The following CCR7 variants were observed in gnomAD, a reference collection of about 807,000 sequenced individuals.
CCR7 encodes C-C chemokine receptor type 7.
CCR7 carries 11 observed loss-of-function variants against 26.0 expected under a neutral mutation model. That is an observed-to-expected ratio of 0.42 (90% CI 0.27 to 0.70). The LOEUF (loss-of-function observed/expected upper bound fraction) is 0.70, where lower values mean the gene tolerates loss of function less well. CCR7 is among the 30% of genes least tolerant of loss of function. CCR7 has a pLI of 0.23. For synonymous variants in CCR7, 189 were observed against 202.1 expected, an observed-to-expected ratio of 0.94 and a Z score of 0.55; for missense variants, 360 against 504.0, an observed-to-expected ratio of 0.71 and a Z score of 2.74.
intron 1 of CCR7, among the ~76,000 whole-genome samples, chr17:40,562,807 G>T (rs1432300685): frequency 6.6e-6 from 1 of 152,052 alleles, no homozygotes; most frequent in Non-Finnish European, 1.5e-5. Flanking sequence ...CACGGCTGCA[G>T]CCTTAGTCCC....
At position 40,554,557 on chromosome 17, in the gene CCR7, A is replaced by T; in HGVS notation, c.*185T>A. ...CTTATCAGCCCTGTCTTTTTTTGGCATTGGTTGAGGTAGCTGGGATTGGGG... is the reference window on the plus strand; with the variant it reads ...CTTATCAGCCCTGTCTTTTTTTGGCTTTGGTTGAGGTAGCTGGGATTGGGG... On this transcript the variant is annotated 3_prime_UTR_variant, in exon 3 of 3. Coordinates refer to ENST00000246657, the MANE Select transcript of CCR7 (RefSeq NM_001838.4). The T allele has an allele frequency of 1.6e-6, 1 of 630,778 alleles. No individual in the cohort carries two copies. Among genetic ancestry groups the T allele is most frequent in the Non-Finnish European group, 2.8e-6 (1 of 355,462 alleles). 39.1% of individuals were successfully genotyped at this position (630,778 alleles called of 1,614,324 possible). A position where few individuals can be genotyped will look rare whatever the true frequency, so the allele number is the denominator to read the frequency against.
At chr17:40,558,969 T>A in intron 1 of CCR7, 27 bp from the exon 2 acceptor site, 1 of 1,593,982 alleles carries the variant, frequency 6.3e-7, no homozygotes, top group Non-Finnish European at 8.6e-7. Flanking sequence ...GAGAAAGTTA[T>A]TGCTTGGCAG....
rs1313242139 is a variant in CCR7, at chr17:40,555,698, G to A, written c.181C>T (p.Leu61Phe). ...CAAATGATGGAGTACATGATAGGGA[G>A]GAACCAGGCTTTAAAGTTCCGCACG... Reference protein sequence around the residue: ...KDVRNFKAWFLPIMYSIICFV... With the variant: ...KDVRNFKAWFFPIMYSIICFV... Residue 61 changes from leucine (L) to phenylalanine (F), a missense_variant, in exon 3 of 3, where the codon CTC becomes TTC. Leu to Phe is a conservative substitution (Grantham distance 22). Transcript: ENST00000246657. The surrounding 1 kb of genome is among the most constrained non-coding windows in gnomAD (Gnocchi z 5.6). The A allele has an allele frequency of 6.2e-7, 1 of 1,614,024 alleles. No individual in the cohort carries two copies. The highest frequency in any genetic ancestry group is 8.5e-7 in the Non-Finnish European group (1 of 1,180,038).
chr17:40,555,107 G>A lies in CCR7; in HGVS notation c.772C>T (p.Arg258Cys), dbSNP rs1405128587. ...RTLLQARNFERNKAIKVIIAV... is the reference protein window; with the variant it reads ...RTLLQARNFECNKAIKVIIAV... ...ATGATCACCTTGATGGCCTTGTTGC[G>A]CTCAAAGTTGCGTGCCTGGAGCAGG... Residue 258 changes from arginine to cysteine, a missense_variant, in exon 3 of 3, where the codon CGC (arginine) becomes TGC (cysteine). By Grantham distance (180) the Arg-to-Cys change is radical. Coordinates refer to ENST00000246657, the MANE Select transcript of CCR7 (RefSeq NM_001838.4). This position sits in a 1 kb window ranked among gnomAD's most constrained non-coding sequence, Gnocchi z 5.6. 2 of 1,614,196 alleles carry A rather than the reference G, an allele frequency of 1.2e-6. No homozygotes were observed. The highest frequency in any genetic ancestry group is 1.7e-6 in the Non-Finnish European group (2 of 1,180,032).
chr17:40,558,957 G>C lies in CCR7; in HGVS notation c.11-15C>G, dbSNP rs1449843246. On this transcript the variant is annotated splice_polypyrimidine_tract_variant and intron_variant, in intron 1 of 2. Transcript: ENST00000246657. ...CATTGGTTTCCCTGTAGGAGACAAG[G>C]CGAGAAAGTTATTGCTTGGCAGGGA... 6.2e-7 allele frequency: 1 copy of C among 1,603,068 alleles called. No homozygotes were observed. The highest frequency in any genetic ancestry group is 8.5e-7 in the Non-Finnish European group (1 of 1,175,248).
At position 40,554,044 on chromosome 17, in the gene CCR7, G is replaced by A. The variant is rs1012288355; in HGVS notation, c.*698C>T. ...GAGTGCATGTCATCCCCACTCTGGA[G>A]CCCAGAGTGTGGCTTTGATCACGCG... On this transcript the variant is annotated 3_prime_UTR_variant, in exon 3 of 3. Transcript: ENST00000246657. 3.9e-5 allele frequency: 6 copies of A among 152,212 alleles called. No individual in the cohort carries two copies. The highest frequency in any genetic ancestry group is 1.3e-4 in the Admixed American group (2 of 15,272). 9.4% of individuals were successfully genotyped at this position (152,212 alleles called of 1,614,324 possible).
intron 1 of CCR7, among the ~76,000 whole-genome samples, chr17:40,564,987 G>C (rs775083619): frequency 6.3e-4 from 96 of 152,268 alleles, no homozygotes; most frequent in Non-Finnish European, 1.1e-3. Context: ...GTGGGTAAAA[G>C]GTCCTAAGCT....
chr17:40,557,164 GC>G (rs1179960357), intron 2 of CCR7, among the ~76,000 whole-genome samples: 4 of 152,304 alleles, frequency 2.6e-5, no homozygotes, highest in African/African-American at 9.6e-5. Context: ...AGCTGCTGGA[GC>G]TTTTTTTAGC....
chr17:40,561,953 T>C (rs1364899767), intron 1 of CCR7, among the ~76,000 whole-genome samples: 2 of 152,154 alleles, frequency 1.3e-5, no homozygotes, highest in Admixed American at 1.3e-4. Flanking sequence ...AATGAGATAA[T>C]TCATATTCAC....
intron 2 of CCR7, among the ~76,000 whole-genome samples, chr17:40,557,390 G>A (rs574687269): frequency 5.9e-5 from 9 of 152,334 alleles, no homozygotes; most frequent in African/African-American, 1.4e-4. Flanking sequence ...CATTTATGCT[G>A]GAGGGATTCA....
chr17:40,558,747 G>T, intron 2 of CCR7, 146 bp downstream of exon 2: 1 of 709,074 alleles, frequency 1.4e-6, no homozygotes, highest in Non-Finnish European at 2.5e-6. Flanking sequence ...AGATGGTGAG[G>T]GGGCAGCCAT....
chr17:40,562,658 G>A (rs907920861), intron 1 of CCR7, among the ~76,000 whole-genome samples: 12 of 152,238 alleles, frequency 7.9e-5, no homozygotes, highest in Middle Eastern at 3.4e-3. Context: ...TAGGGATGCC[G>A]TACCACGTTT....
intron 1 of CCR7, among the ~76,000 whole-genome samples, chr17:40,561,944 A>G (rs1227527480): frequency 1.3e-5 from 2 of 152,132 alleles, no homozygotes; most frequent in Non-Finnish European, 2.9e-5. Flanking sequence ...GCTGTATCCA[A>G]TGAGATAATT....
In CCR7 at chr17:40,555,563, G is replaced by C. The variant is rs187022118; in HGVS notation, c.316C>G (p.Leu106Val). 9.5e-5 allele frequency: 153 copies of C among 1,614,140 alleles called. No individual in the cohort carries two copies. In the East Asian group the frequency reaches 2.9e-3, roughly 30 times the overall value. Residue 106 changes from leucine to valine, a missense_variant, in exon 3 of 3, where the codon CTC becomes GTC. By Grantham distance (32) the Leu-to-Val change is conservative. Transcript: ENST00000246657. This position sits in a 1 kb window ranked among gnomAD's most constrained non-coding sequence, Gnocchi z 5.6. ...CAGAAGGGAAGGGTCAGGAGGAAGAGGATGTCTGCCACCGCCAGGTTGAGC... is the reference window on the plus strand; with the variant it reads ...CAGAAGGGAAGGGTCAGGAGGAAGACGATGTCTGCCACCGCCAGGTTGAGC... ...YLLNLAVADI[L>V]FLLTLPFWAY...
chr17:40,561,485 C>T (rs2036655078), intron 1 of CCR7, among the ~76,000 whole-genome samples: 1 of 152,208 alleles, frequency 6.6e-6, no homozygotes, highest in Non-Finnish European at 1.5e-5. Flanking sequence ...AGTTGGGAAT[C>T]TCTGGGGCTA....
At chr17:40,562,720 G>T (rs1471040263) in intron 1 of CCR7, among the ~76,000 whole-genome samples, 1 of 151,982 alleles carries the variant, frequency 6.6e-6, no homozygotes, top group Non-Finnish European at 1.5e-5. Flanking sequence ...TTCCTCCTTG[G>T]CATGGCCAGC....
intron 1 of CCR7, among the ~76,000 whole-genome samples, chr17:40,560,482 G>A (rs1051055391): frequency 6.6e-6 from 1 of 152,230 alleles, no homozygotes; most frequent in African/African-American, 2.4e-5. Flanking sequence ...TGGCACCCAG[G>A]TTGCAGTTGG....
chr17:40,556,149 C>T (rs150323676), intron 2 of CCR7, among the ~76,000 whole-genome samples: 117 of 152,076 alleles, frequency 7.7e-4, no homozygotes, highest in South Asian at 1.5e-3. Context: ...TCGTGAGGTC[C>T]GCATCATCAG....
intron 1 of CCR7, among the ~76,000 whole-genome samples, chr17:40,563,571 G>T (rs988983962): frequency 5.3e-5 from 8 of 152,150 alleles, no homozygotes; most frequent in Admixed American, 5.2e-4. Flanking sequence ...TCCTTGCTGG[G>T]CAGATGAAGA....
Sources: gnomAD v4.1 joint callset for allele counts (sites outside exome capture counted in the v4.1 genomes callset) on GRCh38, gnomAD v4.1.1 for gene constraint, Gnocchi (gnomAD v3.1) non-coding constraint, MANE v1.5 for transcripts, NCBI Gene and HGNC (gene_info 2026-07-23, HGNC 2026-07-21) for gene names.